The following ARID2 variants were observed in gnomAD, a reference collection of about 807,000 sequenced individuals.
The protein encoded by ARID2 is AT-rich interaction domain 2.
A neutral mutation model predicts 184.6 loss-of-function variants in ARID2; 32 were observed. The ratio of observed to expected loss-of-function variants is 0.17; its 90% CI spans 0.13 to 0.23. ARID2 has a LOEUF of 0.23. Ranked by LOEUF, ARID2 falls within the 10% of genes least tolerant of loss-of-function variation. The probability of loss-of-function intolerance (pLI) is 1.00; values close to 1 mark genes in which losing one functional copy is unlikely to be tolerated. For missense variants in ARID2, 1,696 were observed against 2,197.6 expected (o/e 0.77, Z 4.56); for synonymous variants, 836 against 772.6 (o/e 1.08, Z -1.36).
chr12:45,887,469 A>G, intron 16 of ARID2, among the ~76,000 whole-genome samples: 1 of 152,156 alleles, frequency 6.6e-6, no homozygotes, highest in East Asian at 1.9e-4. Flanking sequence ...GGGATTCAGA[A>G]GAGAGGAAAA....
At chr12:45,897,364 GA>G (rs1467092636) in intron 20 of ARID2, among the ~76,000 whole-genome samples, 1 of 152,126 alleles carries the variant, frequency 6.6e-6, no homozygotes, top group Non-Finnish European at 1.5e-5. Context: ...CAAAGACACA[GA>G]CAATAAAAGG....
chr12:45,736,933 A>G (rs912282431), intron 3 of ARID2, among the ~76,000 whole-genome samples: 1 of 152,238 alleles, frequency 6.6e-6, no homozygotes, highest in African/African-American at 2.4e-5. Context: ...CACAGTAAAT[A>G]GTGTAACACC....
intron 5 of ARID2, among the ~76,000 whole-genome samples, chr12:45,820,192 T>C (rs1942874681): frequency 6.6e-6 from 1 of 152,236 alleles, no homozygotes; most frequent in South Asian, 2.1e-4. Context: ...CTGTAGTTAA[T>C]TTGTTTATTC....
At chr12:45,755,097 C>T (rs1489284805) in intron 3 of ARID2, among the ~76,000 whole-genome samples, 1 of 152,114 alleles carries the variant, frequency 6.6e-6, no homozygotes, top group African/African-American at 2.4e-5. Context: ...GAGGCGTTAA[C>T]GCATGTGATT....
At chr12:45,849,345 A>T (rs898878485) in intron 13 of ARID2, among the ~76,000 whole-genome samples, 4 of 152,158 alleles carry the variant, frequency 2.6e-5, no homozygotes, top group Admixed American at 6.6e-5. Flanking sequence ...TTTATTAGTT[A>T]TATGTGGGTG....
At chr12:45,780,651 T>C (rs916901851) in intron 3 of ARID2, among the ~76,000 whole-genome samples, 1 of 152,068 alleles carries the variant, frequency 6.6e-6, no homozygotes, top group Non-Finnish European at 1.5e-5. Flanking sequence ...GGAGTCTTGC[T>C]CTTATTGCCT....
chr12:45,823,259 A>G (rs1380935564), intron 6 of ARID2, among the ~76,000 whole-genome samples: 2 of 152,158 alleles, frequency 1.3e-5, no homozygotes. Context: ...GGAAATTTAA[A>G]ATGGAAACAC....
intron 3 of ARID2, among the ~76,000 whole-genome samples, chr12:45,744,880 A>C (rs1038828538): frequency 1.3e-5 from 2 of 152,170 alleles, no homozygotes; most frequent in Non-Finnish European, 2.9e-5. Flanking sequence ...AATTAATCAT[A>C]ATTTGGTTAT....
intron 6 of ARID2, among the ~76,000 whole-genome samples, chr12:45,823,228 C>T (rs746414357): frequency 9.9e-5 from 15 of 151,982 alleles, no homozygotes; most frequent in Admixed American, 8.5e-4. Context: ...GACTATTGGG[C>T]ATCAAGGAAG....
intron 4 of ARID2, among the ~76,000 whole-genome samples, chr12:45,813,387 A>T (rs1172153652): frequency 6.6e-6 from 1 of 151,488 alleles, no homozygotes; most frequent in African/African-American, 2.4e-5. Flanking sequence ...CAAATAAGTC[A>T]TTAATTTTTC....
intron 6 of ARID2, among the ~76,000 whole-genome samples, chr12:45,834,389 G>A (rs532091060): frequency 1.3e-5 from 2 of 151,650 alleles, no homozygotes; most frequent in East Asian, 3.9e-4. Flanking sequence ...GTCAGAAAAT[G>A]TTTTTATGTC....
rs1944539149 is a variant in ARID2 at position 45,907,013 on chromosome 12, A to G, written c.*1935A>G. On this transcript the variant is annotated 3_prime_UTR_variant, in exon 21 of 21. Coordinates refer to ENST00000334344, the MANE Select transcript of ARID2 (RefSeq NM_152641.4). ...TTGAATTAGTACCAATGTAAAATCT[A>G]GTTTCTTCCTGAAGGAGGATCCCTG... The G allele has an allele frequency of 1.3e-5, 3 of 231,626 alleles. No homozygotes were observed. The East Asian group carries it at 1.8e-4, about 14-fold the overall frequency. 14.3% of individuals were successfully genotyped at this position (231,626 alleles called of 1,614,324 possible).
In ARID2 at chr12:45,895,387, A is replaced by G. The variant is rs142741203; in HGVS notation, c.5363+1666A>G. ...AATGCCCCATGTGTTGCATGTTACCACCTTAGATGATGAGCTCTTTGAAGG... is the reference window on the plus strand; with the variant it reads ...AATGCCCCATGTGTTGCATGTTACCGCCTTAGATGATGAGCTCTTTGAAGG... On this transcript the variant is annotated intron_variant, in intron 20 of 20. Coordinates refer to ENST00000334344, the MANE Select transcript of ARID2 (RefSeq NM_152641.4). Among the ~76,000 whole-genome samples, 1,382 of 152,202 alleles carry G rather than the reference A, an allele frequency of 9.1e-3. 23 individuals carry two copies. Among genetic ancestry groups the G allele is most frequent in the African/African-American group, 0.03 (1,264 of 41,514 alleles).
chr12:45,742,893 A>G (rs1453702308), intron 3 of ARID2, among the ~76,000 whole-genome samples: 2 of 152,228 alleles, frequency 1.3e-5, no homozygotes, highest in African/African-American at 4.8e-5. Flanking sequence ...CCTTTGTAGG[A>G]GAGAACTTTT....
intron 3 of ARID2, among the ~76,000 whole-genome samples, chr12:45,791,007 A>G (rs1252310502): frequency 6.6e-6 from 1 of 152,154 alleles, no homozygotes; most frequent in Non-Finnish European, 1.5e-5. Flanking sequence ...TGAGTGTACA[A>G]ATAATCTTTT....
chr12:45,825,022 G>A (rs142628884), intron 6 of ARID2, among the ~76,000 whole-genome samples: 5 of 151,920 alleles, frequency 3.3e-5, no homozygotes, highest in Admixed American at 6.6e-5. Context: ...GTTCTCACTC[G>A]TATGTGGGAG....
chr12:45,849,425 A>G (rs1454240985), intron 13 of ARID2, among the ~76,000 whole-genome samples, 155 bp from the exon 14 acceptor site: 1 of 152,140 alleles, frequency 6.6e-6, no homozygotes, highest in Non-Finnish European at 1.5e-5. Flanking sequence ...AATCTTTTAT[A>G]TTTCTTTGCT....
chr12:45,892,051 A>T lies in ARID2; in HGVS notation c.5102A>T (p.Lys1701Ile). Reference protein sequence around the residue: ...CSKDALLAGLKQDEPGQAGSQ... With the variant: ...CSKDALLAGLIQDEPGQAGSQ... ...AAGGATGCCCTACTTGCAGGATTAA[A>T]ACAAGATGAACCAGGACAAGCAGGA... Residue 1701 changes from lysine to isoleucine, a missense_variant, in exon 18 of 21, where the codon AAA becomes ATA. Coordinates refer to ENST00000334344, the MANE Select transcript of ARID2 (RefSeq NM_152641.4). The T allele has an allele frequency of 6.2e-7, 1 of 1,614,178 alleles. No individual in the cohort carries two copies. Among genetic ancestry groups the T allele is most frequent in the Non-Finnish European group, 8.5e-7 (1 of 1,179,994 alleles).
At position 45,862,654 on chromosome 12, in the gene ARID2, G is replaced by A. The variant is rs554945754; in HGVS notation, c.4922+1705G>A. Among the ~76,000 whole-genome samples, 15 of 152,092 alleles carry A rather than the reference G, an allele frequency of 9.9e-5. 1 individual carries two copies. The South Asian group carries it at 1.2e-3, about 13-fold the overall frequency. ...AACCTAGGAATTCGAGTCTAGCTTG[G>A]GCAACATGGTGAGACCTCATGTCTA... On this transcript the variant is annotated intron_variant, in intron 16 of 20. Transcript: ENST00000334344.
Sources: gnomAD v4.1 joint callset for allele counts (sites outside exome capture counted in the v4.1 genomes callset) on GRCh38, gnomAD v4.1.1 for gene constraint, MANE v1.5 for transcripts, NCBI Gene and HGNC (gene_info 2026-07-23, HGNC 2026-07-21) for gene names.